Variants in C9orf72 observed in about 807,000 individuals in gnomAD.
C9orf72 encodes the protein guanine nucleotide exchange factor C9orf72.
Under a neutral mutation model 51.6 loss-of-function variants are expected in C9orf72, and 44 were observed. The observed-to-expected ratio is 0.85, with a 90% CI of 0.67 to 1.10. The LOEUF is 1.10. Among genes scored for constraint, C9orf72 ranks in the 50% least tolerant of loss-of-function variants. C9orf72 has a pLI of 0.00. For missense variants in C9orf72, 607 were observed against 570.6 expected (o/e 1.06, Z -0.65); for synonymous variants, 213 against 194.2 (o/e 1.10, Z -0.81).
intron 1 of C9orf72, among the ~76,000 whole-genome samples, chr9:27,570,043 G>T (rs1019462066): frequency 2.0e-5 from 3 of 152,156 alleles, no homozygotes; most frequent in Non-Finnish European, 2.9e-5. Context: ...GTACAGAAAT[G>T]GTTGAACACA....
intron 9 of C9orf72, 44 bp from the exon 10 acceptor site, chr9:27,548,710 C>G (rs1820835704): frequency 9.0e-7 from 1 of 1,106,284 alleles, no homozygotes; most frequent in Non-Finnish European, 1.4e-6. Flanking sequence ...TGCTCACATT[C>G]TACTCGTACA....
chr9:27,552,679 G>T lies in C9orf72; in HGVS notation c.1092-1972C>A, dbSNP rs552673664. Among the ~76,000 whole-genome samples, 13 of 151,970 alleles carry T rather than the reference G, an allele frequency of 8.6e-5. No homozygotes were observed. The South Asian group carries it at 2.7e-3, about 32-fold the overall frequency. ...CCTACTGAAGGTTTTTAACATGGAG[G>T]ATGTTAAATTTTATTGACAACCTTT... On this transcript the variant is annotated intron_variant, in intron 8 of 10. Transcript: ENST00000380003.
Position 27,554,376 on chromosome 9 carries a change from CT to C in C9orf72, c.1091+2184del, listed in dbSNP as rs557873827. ...GCTAGAGGTCATTATCCTAAGTGAA[CT>C]AATCCAGGAACAGAAAACCAACTAC... On this transcript the variant is annotated intron_variant, in intron 8 of 10. Transcript: ENST00000380003. Among the ~76,000 whole-genome samples, 17 of 152,222 alleles carry C rather than the reference CT, an allele frequency of 1.1e-4. No individual in the cohort carries two copies. The East Asian group carries it at 2.9e-3, about 26-fold the overall frequency.
intron 8 of C9orf72, among the ~76,000 whole-genome samples, chr9:27,556,197 A>G (rs890810948): frequency 1.3e-5 from 2 of 152,278 alleles, no homozygotes; most frequent in African/African-American, 4.8e-5. Flanking sequence ...TTTTGTTAAT[A>G]AGTCCATTCA....
chr9:27,559,281 A>AAAC (rs34797599), intron 6 of C9orf72: 16 of 151,474 alleles, frequency 1.1e-4, no homozygotes, highest in African/African-American at 3.6e-4. Context: ...AAAAAAAAAA[A>AAAC]AAAACACTCC....
intron 2 of C9orf72, 94 bp from the exon 3 acceptor site, chr9:27,565,684 T>A: frequency 1.2e-6 from 1 of 801,460 alleles, no homozygotes. Context: ...GTAATTTAGT[T>A]CACAAGAAAA....
chr9:27,553,373 C>A (rs1193133049), intron 8 of C9orf72, among the ~76,000 whole-genome samples: 2 of 152,032 alleles, frequency 1.3e-5, no homozygotes, highest in African/African-American at 2.4e-5. Flanking sequence ...GACACATAGA[C>A]CAATGGAGAA....
At chr9:27,557,061 T>A (rs111253152) in intron 7 of C9orf72, among the ~76,000 whole-genome samples, 3,250 of 152,174 alleles carry the variant, frequency 0.021, 53 homozygotes, top group Middle Eastern at 0.048. Flanking sequence ...CATCTATAGA[T>A]GAAGTTGTTG....
chr9:27,548,294 A>G lies in C9orf72; in HGVS notation c.1388T>C (p.Ile463Thr), dbSNP rs1304106845. The G allele has an allele frequency of 6.2e-7, 1 of 1,613,608 alleles. No homozygotes were observed. Among genetic ancestry groups the G allele is most frequent in the Non-Finnish European group, 8.5e-7 (1 of 1,179,674 alleles). The change falls in exon 11 of 11, where the codon ATC becomes ACC. Residue 463 changes from isoleucine (I) to threonine (T), a missense_variant. Ile to Thr is a moderately conservative substitution (Grantham distance 89). Coordinates refer to ENST00000380003, the MANE Select transcript of C9orf72 (RefSeq NM_018325.5). ...EKIKPGLHSF[I>T]FGRPFYTSVQ... Reference sequence around the variant, plus strand: ...ACTAGTGTAGAAAGGTCTTCCAAAGATAAAAGAGTGTAGGCCTGGTTTAAT... The same window carrying G: ...ACTAGTGTAGAAAGGTCTTCCAAAGGTAAAAGAGTGTAGGCCTGGTTTAAT...
chr9:27,565,474 C>T, intron 3 of C9orf72, 57 bp downstream of exon 3: 1 of 1,175,504 alleles, frequency 8.5e-7, no homozygotes, highest in Non-Finnish European at 1.3e-6. Context: ...TAGCCATCAA[C>T]CTTATACAGA....
At chr9:27,555,018 T>C (rs12686452) in intron 8 of C9orf72, among the ~76,000 whole-genome samples, 33,404 of 151,998 alleles carry the variant, frequency 0.22, 4,061 homozygotes, top group East Asian at 0.31. Flanking sequence ...AAATACCAAA[T>C]GGTTGCAAAC....
At chr9:27,562,334 AC>A (rs1563903592) in intron 4 of C9orf72, 46 bp downstream of exon 4, 7 of 882,476 alleles carry the variant, frequency 7.9e-6, no homozygotes, top group Non-Finnish European at 1.2e-5. Flanking sequence ...TAATACTATA[AC>A]CCCAAAAAAC....
At chr9:27,573,822 T>C (rs1819655902), upstream of C9orf72, 1 of 152,256 alleles carries the variant, frequency 6.6e-6, no homozygotes, top group South Asian at 2.1e-4. Flanking sequence ...AACTTGTCGC[T>C]GTTTGACGCA....
At chr9:27,566,416 G>A (rs1268045614) in intron 2 of C9orf72, among the ~76,000 whole-genome samples, 13 of 152,032 alleles carry the variant, frequency 8.6e-5, no homozygotes, top group Admixed American at 8.5e-4. Flanking sequence ...AAGAATCCAG[G>A]GTCTAAAAGT....
intron 1 of C9orf72, among the ~76,000 whole-genome samples, chr9:27,568,112 T>C (rs1225094248): frequency 6.6e-5 from 6 of 91,546 alleles, no homozygotes; most frequent in South Asian, 3.2e-4. Context: ...AAAAAAGACA[T>C]GGAAATACCA....
chr9:27,554,882 G>A (rs965206207), intron 8 of C9orf72, among the ~76,000 whole-genome samples: 5 of 152,060 alleles, frequency 3.3e-5, no homozygotes, highest in African/African-American at 1.2e-4. Context: ...ATATTATTTT[G>A]TCATGATCAG....
chr9:27,553,100 T>C (rs1209337605), intron 8 of C9orf72, among the ~76,000 whole-genome samples: 1 of 152,114 alleles, frequency 6.6e-6, no homozygotes, highest in African/African-American at 2.4e-5. Context: ...ACATTCCATA[T>C]TCATAGATAG....
chr9:27,550,708 C>A lies in C9orf72; in HGVS notation c.1092-1G>T. 6.4e-7 allele frequency: 1 copy of A among 1,561,358 alleles called. No individual in the cohort carries two copies. Among genetic ancestry groups the A allele is most frequent in the Non-Finnish European group, 8.7e-7 (1 of 1,145,300 alleles). On this transcript the variant is annotated splice_acceptor_variant, in intron 8 of 10. Coordinates refer to ENST00000380003, the MANE Select transcript of C9orf72 (RefSeq NM_018325.5). LOFTEE classifies it high-confidence loss of function. ...GTGTAAGACATCTTGAAAAATATTC[C>A]TGAAGAAAAGAAGAAAATGAAGAAA... is the stretch of plus-strand genomic sequence containing the variant.
chr9:27,548,050 A>C lies in C9orf72; in HGVS notation c.*186T>G. 1 of 421,222 alleles carries C rather than the reference A, an allele frequency of 2.4e-6. No individual in the cohort carries two copies. The highest frequency in any genetic ancestry group is 4.0e-5 in the Admixed American group (1 of 24,978). 26.1% of individuals were successfully genotyped at this position (421,222 alleles called of 1,614,324 possible). A position where few individuals can be genotyped will look rare whatever the true frequency, so the allele number is the denominator to read the frequency against. On this transcript the variant is annotated 3_prime_UTR_variant, in exon 11 of 11. Coordinates refer to ENST00000380003, the MANE Select transcript of C9orf72 (RefSeq NM_018325.5). ...AAAGCATAAATCTAGGAAAAGAGAC[A>C]CCCAATGTAATGATGCACCTGACAT...
Sources: allele counts gnomAD v4.1 joint callset (sites outside exome capture counted in the v4.1 genomes callset), GRCh38; gene constraint gnomAD v4.1.1; transcripts MANE v1.5; gene names NCBI Gene and HGNC (gene_info 2026-07-23, HGNC 2026-07-21).